SLC17A8: variants seen among roughly 807,000 people sequenced by gnomAD.
SLC17A8 encodes solute carrier family 17 member 8.
In SLC17A8, 31 loss-of-function variants were observed where a neutral mutation model predicts 58.0. The observed-to-expected ratio is 0.53, with a 90% CI of 0.40 to 0.72. The LOEUF (loss-of-function observed/expected upper bound fraction) is 0.72, where lower values mean the gene tolerates loss of function less well. Among genes scored for constraint, SLC17A8 ranks in the 30% least tolerant of loss-of-function variants. SLC17A8 has a pLI of 0.00. For synonymous variants in SLC17A8, 228 were observed against 249.0 expected, an observed-to-expected ratio of 0.92 and a Z score of 0.79; for missense variants, 655 against 727.8, an observed-to-expected ratio of 0.90 and a Z score of 1.15.
At chr12:100,412,702 T>C (rs1283896062) in intron 9 of SLC17A8, 68 bp from the exon 10 acceptor site, 24 of 1,008,886 alleles carry the variant, frequency 2.4e-5, no homozygotes, top group Non-Finnish European at 3.5e-5. Flanking sequence ...TCTTATTTGA[T>C]AAATAAATGA....
At chr12:100,375,977 AG>A (rs1952592313) in intron 1 of SLC17A8, among the ~76,000 whole-genome samples, 1 of 152,194 alleles carries the variant, frequency 6.6e-6, no homozygotes, top group Admixed American at 6.5e-5. Context: ...GTCTTTAAAA[AG>A]GTAATTAAGG....
Position 100,419,863 on chromosome 12 carries a change from T to G in SLC17A8, c.1474T>G (p.Tyr492Asp). Residue 492 changes from tyrosine to aspartate, a missense_variant, in exon 12 of 12, where the codon TAC becomes GAC. Physicochemically the swap from Tyr to Asp is radical, Grantham distance 160 (BLOSUM62 -3). Coordinates refer to ENST00000323346, the MANE Select transcript of SLC17A8 (RefSeq NM_139319.3). ...NVFLIAALVHYSGVIFYGVFA... is the reference protein window; with the variant it reads ...NVFLIAALVHDSGVIFYGVFA... ...GTTCCTCATAGCTGCCCTGGTGCATTACAGTGGTGTGATCTTCTATGGGGT... is the reference window on the plus strand; with the variant it reads ...GTTCCTCATAGCTGCCCTGGTGCATGACAGTGGTGTGATCTTCTATGGGGT... 1 of 1,614,090 alleles carries G rather than the reference T, an allele frequency of 6.2e-7. No homozygotes were observed.
intron 2 of SLC17A8, among the ~76,000 whole-genome samples, chr12:100,381,898 T>C (rs1952640332): frequency 6.6e-6 from 1 of 152,224 alleles, no homozygotes; most frequent in African/African-American, 2.4e-5. Context: ...TTGTTGGAAA[T>C]AGTGGCCATG....
rs1292221128 is a variant in SLC17A8 at position 100,377,592 on chromosome 12, T to A, written c.102-3109T>A. 3.1e-3 allele frequency among the ~76,000 whole-genome samples: 421 copies of A among 136,018 alleles called. 4 individuals are homozygous for A. Among genetic ancestry groups the A allele is most frequent in the African/African-American group, 9.9e-3 (357 of 35,908 alleles). The allele number at this position is 136,018 out of a possible 152,430, so 89.2% of individuals were successfully genotyped here. On this transcript the variant is annotated intron_variant, in intron 1 of 11. Transcript: ENST00000323346. Reference sequence around the variant, plus strand: ...AGATATATATATATATATATTTTTTTTTTTTTTTTTTTTTTTGAGACGGAG... The same window carrying A: ...AGATATATATATATATATATTTTTTATTTTTTTTTTTTTTTTGAGACGGAG...
At chr12:100,398,571 T>C (rs560289808) in intron 5 of SLC17A8, among the ~76,000 whole-genome samples, 53 of 152,188 alleles carry the variant, frequency 3.5e-4, no homozygotes, top group Non-Finnish European at 6.2e-4. Context: ...TCATTACATG[T>C]CCCAGCTAAG....
chr12:100,412,329 A>C (rs2136014331), intron 9 of SLC17A8, among the ~76,000 whole-genome samples: 1 of 152,212 alleles, frequency 6.6e-6, no homozygotes. Flanking sequence ...AGAAAACCAA[A>C]CACTGCATTT....
Position 100,388,055 on chromosome 12 carries a change from G to A in SLC17A8, c.355-2946G>A, listed in dbSNP as rs549817294. ...CCTCCTCATTCATTACCCTCCAGCT[G>A]TACTGACATACTGCTTTTCCTCTAA... On this transcript the variant is annotated intron_variant, in intron 2 of 11. Transcript: ENST00000323346. Among the ~76,000 whole-genome samples, 24 of 152,166 alleles carry A rather than the reference G, an allele frequency of 1.6e-4. No homozygotes were observed. The East Asian group carries it at 4.6e-3, about 29-fold the overall frequency.
At position 100,420,247 on chromosome 12, in the gene SLC17A8, G is replaced by A. The variant is rs1438997726; in HGVS notation, c.*88G>A. 9.4e-7 allele frequency: 1 copy of A among 1,060,992 alleles called. No individual in the cohort carries two copies. The allele number at this position is 1,060,992 out of a possible 1,614,324, so 65.7% of individuals were successfully genotyped here. The stretch of plus-strand genomic sequence containing the variant: ...CTTTCTTGTAGCCCAGCTTGCCAGA[G>A]GTCCAAATATTGGGAGGGGAGAAGA... On this transcript the variant is annotated 3_prime_UTR_variant, in exon 12 of 12. Transcript: ENST00000323346.
intron 2 of SLC17A8, among the ~76,000 whole-genome samples, chr12:100,385,727 A>G (rs1952669934): frequency 1.3e-5 from 2 of 152,330 alleles, no homozygotes; most frequent in South Asian, 4.1e-4. Flanking sequence ...TGAAGATCAA[A>G]TAAGCTAACC....
rs1043054077 is a variant in SLC17A8, at chr12:100,420,458, T to C, written c.*299T>C. The C allele has an allele frequency of 3.1e-6, 1 of 318,012 alleles. No individual in the cohort carries two copies. Among genetic ancestry groups the C allele is most frequent in the Non-Finnish European group, 5.9e-6 (1 of 170,232 alleles). The allele number at this position is 318,012 out of a possible 1,614,324, so 19.7% of individuals were successfully genotyped here. A position where few individuals can be genotyped will look rare whatever the true frequency, so the allele number is the denominator to read the frequency against. The stretch of plus-strand genomic sequence containing the variant: ...AGAAAAAGGAGACAATACCATGTTG[T>C]TCAAAGAAACATTGAAGGAAATTGG... On this transcript the variant is annotated 3_prime_UTR_variant, in exon 12 of 12. Transcript: ENST00000323346.
At chr12:100,370,159 G>T (rs1218464280) in intron 1 of SLC17A8, among the ~76,000 whole-genome samples, 1 of 151,920 alleles carries the variant, frequency 6.6e-6, no homozygotes, top group East Asian at 1.9e-4. Context: ...TTACTATGTT[G>T]CCCAGGCTGG....
rs1309064258 is a variant in SLC17A8 at position 100,420,386 on chromosome 12, G to T, written c.*227G>T. 1 of 512,918 alleles carries T rather than the reference G, an allele frequency of 1.9e-6. No homozygotes were observed. 31.8% of individuals were successfully genotyped at this position (512,918 alleles called of 1,614,324 possible). A position where few individuals can be genotyped will look rare whatever the true frequency, so the allele number is the denominator to read the frequency against. On this transcript the variant is annotated 3_prime_UTR_variant, in exon 12 of 12. Coordinates refer to ENST00000323346, the MANE Select transcript of SLC17A8 (RefSeq NM_139319.3). ...ATACATATTTTTTGAATTGACAGTT[G>T]ACCCTTCTCTCAAAGAGCTAAACTT...
chr12:100,361,728 G>A (rs1442697629), intron 1 of SLC17A8, among the ~76,000 whole-genome samples: 2 of 152,278 alleles, frequency 1.3e-5, no homozygotes, highest in East Asian at 1.9e-4. Flanking sequence ...TTGGGAGTCC[G>A]AGGCAGGCAG....
In SLC17A8 at chr12:100,380,960, A is replaced by T. The variant is rs886048787; in HGVS notation, c.354+7A>T. 9.9e-6 allele frequency: 16 copies of T among 1,613,826 alleles called. No homozygotes were observed. Among genetic ancestry groups the T allele is most frequent in the Non-Finnish European group, 1.4e-5 (16 of 1,180,024 alleles). ...TGGAAAACCGGAAATTCAGGTTGGT[A>T]TCAGTCCATGGTGGAAGACTTTTCT... On this transcript the variant is annotated splice_region_variant and intron_variant, in intron 2 of 11. Coordinates refer to ENST00000323346, the MANE Select transcript of SLC17A8 (RefSeq NM_139319.3).
chr12:100,398,097 CAT>C (rs1473853714), intron 5 of SLC17A8, among the ~76,000 whole-genome samples: 1 of 152,160 alleles, frequency 6.6e-6, no homozygotes, highest in African/African-American at 2.4e-5. Context: ...TTTATTTCTG[CAT>C]ATGTTTTAAT....
chr12:100,372,972 G>A (rs994534734), intron 1 of SLC17A8, among the ~76,000 whole-genome samples: 12 of 152,230 alleles, frequency 7.9e-5, no homozygotes, highest in Non-Finnish European at 1.3e-4. Flanking sequence ...AACCTTTTCC[G>A]CAATTAGTGG....
At chr12:100,381,914 A>C (rs894823780) in intron 2 of SLC17A8, among the ~76,000 whole-genome samples, 3 of 152,222 alleles carry the variant, frequency 2.0e-5, no homozygotes, top group Non-Finnish European at 4.4e-5. Flanking sequence ...CCATGACTGT[A>C]ATACGATTTG....
chr12:100,421,785 A>G lies in SLC17A8; in HGVS notation c.*1626A>G, dbSNP rs1018875659. On this transcript the variant is annotated 3_prime_UTR_variant, in exon 12 of 12. Transcript: ENST00000323346. ...GGGAAAAATTGCGATTCTTCATTAAATAATATTCTTTATGTCACTAGCATA... is the reference window on the plus strand; with the variant it reads ...GGGAAAAATTGCGATTCTTCATTAAGTAATATTCTTTATGTCACTAGCATA... The G allele has an allele frequency of 6.6e-6, 1 of 151,550 alleles. No homozygotes were observed. Among genetic ancestry groups the G allele is most frequent in the African/African-American group, 2.4e-5 (1 of 41,270 alleles). 9.4% of individuals were successfully genotyped at this position (151,550 alleles called of 1,614,324 possible).
At chr12:100,404,218 G>A in intron 9 of SLC17A8, 48 bp downstream of exon 9, 1 of 1,611,442 alleles carries the variant, frequency 6.2e-7, no homozygotes. Context: ...TAGAATTAGG[G>A]TAAACTGAAC....
Sources: allele counts gnomAD v4.1 joint callset (sites outside exome capture counted in the v4.1 genomes callset), GRCh38; gene constraint gnomAD v4.1.1; transcripts MANE v1.5; gene names NCBI Gene and HGNC (gene_info 2026-07-23, HGNC 2026-07-21).